CCDC3: variants seen among roughly 807,000 people sequenced by gnomAD.
CCDC3 encodes the protein coiled-coil domain containing 3, also known as coiled-coil domain-containing protein 3.
Under a neutral mutation model 21.4 loss-of-function variants are expected in CCDC3, and 24 were observed. The ratio of observed to expected loss-of-function variants is 1.12; its 90% CI spans 0.81 to 1.58. The LOEUF is 1.58. CCDC3 is among the 40% of genes most tolerant of loss of function. The pLI is 0.00. For missense variants in CCDC3, 425 were observed against 360.9 expected (o/e 1.18, Z -1.44); for synonymous variants, 186 against 166.0 (o/e 1.12, Z -0.93).
chr10:13,035,698 G>A (rs942601139), intron 5 of CCDC3, among the ~76,000 whole-genome samples: 4 of 152,156 alleles, frequency 2.6e-5, no homozygotes, highest in Non-Finnish European at 5.9e-5. Context: ...CATCATTCAC[G>A]TGCAACCCAG....
At chr10:13,064,186 AG>A (rs1836796396) in intron 4 of CCDC3, among the ~76,000 whole-genome samples, 1 of 152,154 alleles carries the variant, frequency 6.6e-6, no homozygotes, top group African/African-American at 2.4e-5. Context: ...AGCCTCCGAA[AG>A]TGCAGGGATT....
chr10:12,980,785 G>A (rs977500936), intron 2 of CCDC3, among the ~76,000 whole-genome samples: 2 of 151,594 alleles, frequency 1.3e-5, no homozygotes, highest in Non-Finnish European at 2.9e-5. Flanking sequence ...CAGACCCCAC[G>A]TCTGCATGGG....
intron 4 of CCDC3, among the ~76,000 whole-genome samples, chr10:13,056,134 T>G (rs1395575157): frequency 6.6e-6 from 1 of 152,230 alleles, no homozygotes; most frequent in Non-Finnish European, 1.5e-5. Flanking sequence ...TAAACTTGTG[T>G]AACAGCCCAA....
At position 13,096,670 on chromosome 10, in the gene CCDC3, C is replaced by A. The variant is rs78397647; in HGVS notation, c.-503+1855G>T. Reference sequence around the variant, plus strand: ...CTGATACCCTCATTATCAAATGGTTCTTCTAGGGAACAGTCTCTGCTGTTT... The same window carrying A: ...CTGATACCCTCATTATCAAATGGTTATTCTAGGGAACAGTCTCTGCTGTTT... On this transcript the variant is annotated intron_variant, in intron 3 of 6. Transcript: ENST00000378839. Among the ~76,000 whole-genome samples the A allele has an allele frequency of 3.1e-3, 478 of 152,292 alleles. 2 individuals are homozygous for A. Among genetic ancestry groups the A allele is most frequent in the African/African-American group, 0.011 (454 of 41,564 alleles).
intron 3 of CCDC3, among the ~76,000 whole-genome samples, chr10:13,086,304 G>T (rs1050301807): frequency 6.6e-6 from 1 of 152,190 alleles, no homozygotes; most frequent in African/African-American, 2.4e-5. Context: ...CAAATGCAAA[G>T]TAGATGAATA....
intron 2 of CCDC3, among the ~76,000 whole-genome samples, chr10:12,931,856 C>T (rs1429135771): frequency 6.6e-6 from 1 of 152,222 alleles, no homozygotes; most frequent in East Asian, 1.9e-4. Context: ...GGGGTCTCCA[C>T]TACCCAAAGG....
Position 13,099,082 on chromosome 10 carries a change from A to C in CCDC3, c.-581+2T>G, listed in dbSNP as rs1832676369. 6.6e-6 allele frequency: 1 copy of C among 151,750 alleles called. No homozygotes were observed. Among genetic ancestry groups the C allele is most frequent in the Non-Finnish European group, 1.5e-5 (1 of 68,006 alleles). The allele number at this position is 151,750 out of a possible 1,614,324, so 9.4% of individuals were successfully genotyped here. ...TCTCCCCACTCCCACCCCCAGGCTCACTCCTTATAAAGCAGCCTCTAGCCT... is the reference window on the plus strand; with the variant it reads ...TCTCCCCACTCCCACCCCCAGGCTCCCTCCTTATAAAGCAGCCTCTAGCCT... On this transcript the variant is annotated splice_donor_variant, in intron 2 of 6. Coordinates refer to the CCDC3 transcript ENST00000378839. LOFTEE classifies it low-confidence loss of function (5UTR_SPLICE).
At chr10:13,027,115 A>C (rs1413956818) in intron 5 of CCDC3, among the ~76,000 whole-genome samples, 1 of 152,198 alleles carries the variant, frequency 6.6e-6, no homozygotes, top group Non-Finnish European at 1.5e-5. Flanking sequence ...CAAACTTGAA[A>C]ACAAAACCTC....
At chr10:13,094,029 G>T (rs1483994922) in intron 3 of CCDC3, among the ~76,000 whole-genome samples, 1 of 152,200 alleles carries the variant, frequency 6.6e-6, no homozygotes, top group Non-Finnish European at 1.5e-5. Flanking sequence ...AGGAACTCAT[G>T]ACAGTTTTGT....
intron 3 of CCDC3, among the ~76,000 whole-genome samples, chr10:13,090,044 T>G (rs1256188381): frequency 0.12 from 377 of 3,040 alleles, 3 homozygotes; most frequent in Non-Finnish European, 0.18. Context: ...GATATATATA[T>G]ATATATATAT....
intron 2 of CCDC3, among the ~76,000 whole-genome samples, chr10:12,976,244 T>C (rs1033698904): frequency 6.6e-6 from 1 of 152,230 alleles, no homozygotes; most frequent in African/African-American, 2.4e-5. Context: ...AATGAGCATG[T>C]AGCTGAGTAA....
intron 2 of CCDC3, among the ~76,000 whole-genome samples, chr10:13,098,809 C>T (rs1432974354): frequency 7.0e-6 from 1 of 142,058 alleles, no homozygotes; most frequent in Non-Finnish European, 1.5e-5. Flanking sequence ...CTCTGCCTCC[C>T]GGGTTCAAGC....
intron 4 of CCDC3, among the ~76,000 whole-genome samples, chr10:13,064,495 C>G (rs118034257): frequency 1.3e-5 from 2 of 152,130 alleles, no homozygotes; most frequent in Non-Finnish European, 2.9e-5. Flanking sequence ...GAGATCCTCA[C>G]GACATGTGCC....
intron 2 of CCDC3, among the ~76,000 whole-genome samples, chr10:12,925,617 T>C (rs1222598536): frequency 2.6e-5 from 4 of 152,240 alleles, no homozygotes; most frequent in South Asian, 2.1e-4. Context: ...AAATATAACA[T>C]ACATGGTCTT....
At chr10:13,035,540 T>C (rs1320196002) in intron 5 of CCDC3, among the ~76,000 whole-genome samples, 1 of 152,222 alleles carries the variant, frequency 6.6e-6, no homozygotes, top group East Asian at 1.9e-4. Context: ...TGGTTAAACC[T>C]GTGAGTTAGT....
At chr10:13,011,272 C>T (rs1014700238) in intron 5 of CCDC3, among the ~76,000 whole-genome samples, 1 of 151,682 alleles carries the variant, frequency 6.6e-6, no homozygotes, top group Admixed American at 6.6e-5. Flanking sequence ...AGACATGATT[C>T]TATATCTAGA....
chr10:12,974,649 G>A (rs900704454), intron 2 of CCDC3, among the ~76,000 whole-genome samples: 2 of 152,166 alleles, frequency 1.3e-5, no homozygotes, highest in Admixed American at 6.5e-5. Context: ...CCATGGGGCC[G>A]AGGGCTGAGC....
chr10:12,900,257 G>A (rs1834071450), intron 2 of CCDC3, among the ~76,000 whole-genome samples: 1 of 152,180 alleles, frequency 6.6e-6, no homozygotes, highest in Admixed American at 6.5e-5. Flanking sequence ...TCCTTTATAT[G>A]TGTGTGTGAG....
chr10:13,089,920 G>C (rs1471116092), intron 3 of CCDC3, among the ~76,000 whole-genome samples: 1 of 149,408 alleles, frequency 6.7e-6, no homozygotes, highest in Non-Finnish European at 1.5e-5. Flanking sequence ...AACATACGAT[G>C]TTTGGTTTTC....
Sources: gnomAD v4.1 joint callset for allele counts (sites outside exome capture counted in the v4.1 genomes callset) on GRCh38, gnomAD v4.1.1 for gene constraint, MANE v1.5 for transcripts, NCBI Gene and HGNC (gene_info 2026-07-23, HGNC 2026-07-21) for gene names.